DENND5B: variants seen among roughly 807,000 people sequenced by gnomAD.
The protein encoded by DENND5B is DENN domain containing 5B, also known as DENN domain-containing protein 5B.
DENND5B carries 34 observed loss-of-function variants against 140.6 expected under a neutral mutation model. The observed-to-expected ratio is 0.24, with a 90% CI of 0.18 to 0.32. The LOEUF (loss-of-function observed/expected upper bound fraction) is 0.32. DENND5B is among the 10% of genes least tolerant of loss of function. The pLI is 1.00. For synonymous variants in DENND5B, 551 were observed against 562.1 expected, an observed-to-expected ratio of 0.98 and a Z score of 0.28; for missense variants, 1,142 against 1,560.2, an observed-to-expected ratio of 0.73 and a Z score of 4.52.
intron 1 of DENND5B, among the ~76,000 whole-genome samples, chr12:31,518,885 G>A (rs1175124846): frequency 6.6e-6 from 1 of 152,108 alleles, no homozygotes; most frequent in African/African-American, 2.4e-5. Context: ...CTTTATCCTG[G>A]CAGGGAGCCC....
intron 10 of DENND5B, 23 bp from the exon 11 acceptor site, chr12:31,423,698 A>C: frequency 6.2e-7 from 1 of 1,602,708 alleles, no homozygotes; most frequent in East Asian, 2.2e-5. Context: ...GATGTGTAAA[A>C]ATTTCATAAG....
intron 2 of DENND5B, among the ~76,000 whole-genome samples, chr12:31,492,278 A>G (rs1260016870): frequency 2.0e-5 from 3 of 152,264 alleles, no homozygotes; most frequent in Admixed American, 6.5e-5. Context: ...ATTACTTTAA[A>G]GATTAATGTT....
intron 2 of DENND5B, among the ~76,000 whole-genome samples, chr12:31,486,900 A>G (rs1357291301): frequency 2.0e-5 from 3 of 152,226 alleles, no homozygotes; most frequent in African/African-American, 7.2e-5. Context: ...AAACATATGT[A>G]CATTATATAA....
chr12:31,502,922 A>C (rs1292792746), intron 1 of DENND5B, among the ~76,000 whole-genome samples: 9 of 152,124 alleles, frequency 5.9e-5, no homozygotes, highest in Admixed American at 5.9e-4. Context: ...GGTTACTTAG[A>C]TCTCTGAGGA....
Position 31,460,387 on chromosome 12 carries a change from C to T in DENND5B, c.905-6G>A. 1 of 1,611,398 alleles carries T rather than the reference C, an allele frequency of 6.2e-7. No individual in the cohort carries two copies. The highest frequency in any genetic ancestry group is 8.5e-7 in the Non-Finnish European group (1 of 1,178,560). On this transcript the variant is annotated splice_region_variant and splice_polypyrimidine_tract_variant and intron_variant, in intron 3 of 20. Transcript: ENST00000389082. ...AGTCATCAGGCGTTGATAATCTGCA[C>T]AGAACAAGGAAAAAGGAAAGGGAAG...
At chr12:31,478,754 T>C (rs995083073) in intron 3 of DENND5B, among the ~76,000 whole-genome samples, 10 of 152,148 alleles carry the variant, frequency 6.6e-5, no homozygotes, top group African/African-American at 1.2e-4. Context: ...AATCTATCAG[T>C]GTACAGGTAC....
intron 1 of DENND5B, among the ~76,000 whole-genome samples, chr12:31,509,739 A>T (rs1231206889): frequency 6.6e-6 from 1 of 152,180 alleles, no homozygotes; most frequent in East Asian, 1.9e-4. Flanking sequence ...TTGGAAGATG[A>T]AAGGTGCAAT....
chr12:31,515,004 T>G (rs1037696802), intron 1 of DENND5B, among the ~76,000 whole-genome samples: 41 of 152,116 alleles, frequency 2.7e-4, no homozygotes, highest in African/African-American at 9.9e-4. Context: ...ACACCTGCAG[T>G]CCTAGCTACT....
At chr12:31,435,823 G>A (rs1405236506) in intron 7 of DENND5B, among the ~76,000 whole-genome samples, 1 of 151,968 alleles carries the variant, frequency 6.6e-6, no homozygotes, top group Non-Finnish European at 1.5e-5. Context: ...ACCACACCCG[G>A]CTAATTTTTG....
intron 3 of DENND5B, among the ~76,000 whole-genome samples, chr12:31,466,900 C>T (rs1945293989): frequency 6.6e-6 from 1 of 152,050 alleles, no homozygotes; most frequent in Non-Finnish European, 1.5e-5. Context: ...AAATATCACA[C>T]ACCAAAGACA....
intron 1 of DENND5B, among the ~76,000 whole-genome samples, chr12:31,562,636 A>G (rs1438819880): frequency 6.6e-6 from 1 of 152,204 alleles, no homozygotes; most frequent in South Asian, 2.1e-4. Flanking sequence ...ATGAAATAAA[A>G]TAAAATAAAA....
At chr12:31,542,793 G>GA (rs1431485526) in intron 1 of DENND5B, among the ~76,000 whole-genome samples, 2 of 151,972 alleles carry the variant, frequency 1.3e-5, no homozygotes, top group Non-Finnish European at 2.9e-5. Flanking sequence ...CCATCTCTAT[G>GA]AAAAAATATA....
At chr12:31,396,599 A>G (rs992573747) in intron 17 of DENND5B, 1 of 152,420 alleles carries the variant, frequency 6.6e-6, no homozygotes, top group Non-Finnish European at 1.5e-5. Context: ...GTTTTAAATA[A>G]AACTATTTAA....
chr12:31,476,410 A>G (rs575341630), intron 3 of DENND5B, among the ~76,000 whole-genome samples: 1 of 145,510 alleles, frequency 6.9e-6, no homozygotes, highest in East Asian at 2.0e-4. Context: ...TCATTTAGTC[A>G]GTGTCAATTA....
In DENND5B at chr12:31,398,031, G is replaced by A. The variant is rs575514261; in HGVS notation, c.3256+144C>T. 35 of 827,028 alleles carry A rather than the reference G, an allele frequency of 4.2e-5. 1 individual carries two copies. The South Asian group carries it at 4.7e-4, about 11-fold the overall frequency. The allele number at this position is 827,028 out of a possible 1,614,324, so 51.2% of individuals were successfully genotyped here. ...TAGATTTTAACATCTAAACTCTTCC[G>A]GCTTTTGAATATTTATGAATTTTCC... On this transcript the variant is annotated intron_variant, in intron 17 of 20. Transcript: ENST00000389082.
chr12:31,431,248 T>C (rs796946409), intron 8 of DENND5B, among the ~76,000 whole-genome samples: 30 of 152,316 alleles, frequency 2.0e-4, no homozygotes, highest in African/African-American at 7.2e-4. Flanking sequence ...CCCAGAATTT[T>C]CTAGTAAACG....
chr12:31,555,734 T>C (rs954227923), intron 1 of DENND5B, among the ~76,000 whole-genome samples: 4 of 152,194 alleles, frequency 2.6e-5, no homozygotes, highest in Non-Finnish European at 5.9e-5. Context: ...GTTTACCTAA[T>C]CAAACAACTA....
intron 7 of DENND5B, among the ~76,000 whole-genome samples, chr12:31,441,131 C>A (rs945497927): frequency 6.6e-6 from 1 of 152,058 alleles, no homozygotes; most frequent in South Asian, 2.1e-4. Context: ...TTGCTTGAGC[C>A]CAGAAGTTCA....
In DENND5B at chr12:31,560,021, C is replaced by A. The variant is rs184171587; in HGVS notation, c.127+30685G>T. On this transcript the variant is annotated intron_variant, in intron 1 of 20. Coordinates refer to ENST00000389082, the MANE Select transcript of DENND5B (RefSeq NM_144973.4). ...TACTGTTAGAACATCCATGAACTAT[C>A]CTTGGCCCTCTTCCTCTTCTCTATC... Among the ~76,000 whole-genome samples, 4 of 152,286 alleles carry A rather than the reference C, an allele frequency of 2.6e-5. No homozygotes were observed. In the East Asian group the frequency reaches 7.7e-4, roughly 29 times the overall value.
Sources: allele counts gnomAD v4.1 joint callset (sites outside exome capture counted in the v4.1 genomes callset), GRCh38; gene constraint gnomAD v4.1.1; transcripts MANE v1.5; gene names NCBI Gene and HGNC (gene_info 2026-07-23, HGNC 2026-07-21).